Variants in ARFGEF1 observed in about 807,000 individuals in gnomAD.
The protein encoded by ARFGEF1 is brefeldin A-inhibited guanine nucleotide-exchange protein 1.
ARFGEF1 carries 42 observed loss-of-function variants against 231.0 expected under a neutral mutation model. That is an observed-to-expected ratio of 0.18 (90% CI 0.14 to 0.24). The LOEUF is 0.24. Ranked by LOEUF, ARFGEF1 falls within the 10% of genes least tolerant of loss-of-function variation. The pLI is 1.00. For missense variants in ARFGEF1, 1,345 were observed against 2,192.0 expected (o/e 0.61, Z 7.72); for synonymous variants, 710 against 732.3 (o/e 0.97, Z 0.49).
At chr8:67,321,664 G>T (rs1807602221) in intron 1 of ARFGEF1, among the ~76,000 whole-genome samples, 2 of 151,926 alleles carry the variant, frequency 1.3e-5, no homozygotes, top group Non-Finnish European at 2.9e-5. Context: ...GTTTCACCGT[G>T]TTAGCCAAGA....
chr8:67,219,415 T>C lies in ARFGEF1; in HGVS notation c.4338+16A>G, dbSNP rs138669896. The C allele has an allele frequency of 3.7e-4, 593 of 1,601,698 alleles. 5 individuals carry two copies. In the East Asian group the frequency reaches 0.01, roughly 28 times the overall value. The stretch of plus-strand genomic sequence containing the variant: ...TTAACTTGACTAAGCTAAATGAAAA[T>C]TGTGTATCCTCTTACCTCTGTCTGT... On this transcript the variant is annotated intron_variant, in intron 30 of 38. Coordinates refer to ENST00000262215, the MANE Select transcript of ARFGEF1 (RefSeq NM_006421.5).
chr8:67,330,384 A>G (rs903445595), intron 1 of ARFGEF1, among the ~76,000 whole-genome samples: 1 of 152,142 alleles, frequency 6.6e-6, no homozygotes. Flanking sequence ...TTTACCACTC[A>G]AGGAATCTTC....
At chr8:67,323,537 G>A (rs191868944) in intron 1 of ARFGEF1, among the ~76,000 whole-genome samples, 83 of 152,046 alleles carry the variant, frequency 5.5e-4, no homozygotes, top group Non-Finnish European at 2.9e-4. Flanking sequence ...CATTTATGTC[G>A]AATGTGCTTA....
chr8:67,228,275 TA>T lies in ARFGEF1; in HGVS notation c.3381-12del. On this transcript the variant is annotated splice_polypyrimidine_tract_variant and intron_variant, in intron 23 of 38. Transcript: ENST00000262215. ...GATCCTGTGAATATTCTAGGGAAAA[TA>T]AAACACAATTTAAAAAATTTATAAG... 1 of 1,603,218 alleles carries T rather than the reference TA, an allele frequency of 6.2e-7. No individual in the cohort carries two copies. The highest frequency in any genetic ancestry group is 1.1e-5 in the South Asian group (1 of 89,722).
At chr8:67,340,993 GCAA>G (rs1388565847) in intron 1 of ARFGEF1, among the ~76,000 whole-genome samples, 1 of 152,150 alleles carries the variant, frequency 6.6e-6, no homozygotes, top group Admixed American at 6.5e-5. Context: ...ACAGGACAGT[GCAA>G]TCACATTTAT....
chr8:67,341,759 A>G (rs1808638707), intron 1 of ARFGEF1, among the ~76,000 whole-genome samples: 2 of 152,206 alleles, frequency 1.3e-5, no homozygotes, highest in Admixed American at 1.3e-4. Context: ...GGATCTAGAT[A>G]TAAATACAGT....
chr8:67,270,917 G>A (rs1805058023), intron 10 of ARFGEF1, among the ~76,000 whole-genome samples: 1 of 150,624 alleles, frequency 6.6e-6, no homozygotes, highest in Non-Finnish European at 1.5e-5. Context: ...CCAGCTACTC[G>A]GGAAGCTAAG....
chr8:67,238,315 A>G (rs1839831347), intron 22 of ARFGEF1, 28 bp downstream of exon 22: 1 of 1,568,754 alleles, frequency 6.4e-7, no homozygotes, highest in Non-Finnish European at 8.6e-7. Flanking sequence ...GTTAAAAACA[A>G]TTTTTGATAC....
At chr8:67,257,373 G>A (rs1563868779) in intron 17 of ARFGEF1, among the ~76,000 whole-genome samples, 2 of 152,090 alleles carry the variant, frequency 1.3e-5, no homozygotes, top group South Asian at 2.1e-4. Flanking sequence ...TAGGTACCAC[G>A]CCTGGCCTGA....
chr8:67,303,518 C>T (rs181564487), intron 1 of ARFGEF1, among the ~76,000 whole-genome samples: 1 of 152,204 alleles, frequency 6.6e-6, no homozygotes, highest in Admixed American at 6.5e-5. Context: ...CCAGACCAGT[C>T]TGGCCAACGT....
chr8:67,221,577 TAA>T (rs769521378), intron 29 of ARFGEF1, among the ~76,000 whole-genome samples: 3 of 152,168 alleles, frequency 2.0e-5, no homozygotes, highest in Non-Finnish European at 2.9e-5. Flanking sequence ...AGTGTTAATA[TAA>T]GAGTCAAGTT....
chr8:67,180,693 T>C (rs979526908), intron 5 of ARFGEF1, among the ~76,000 whole-genome samples: 6 of 152,304 alleles, frequency 3.9e-5, no homozygotes, highest in Admixed American at 3.9e-4. Context: ...AATGTTACCA[T>C]TGGGGGAAAC....
intron 33 of ARFGEF1, 130 bp from the exon 34 acceptor site, chr8:67,211,745 T>A: frequency 5.8e-6 from 3 of 515,768 alleles, no homozygotes; most frequent in Non-Finnish European, 9.1e-6. Flanking sequence ...ATTACAGTTA[T>A]AACACAATCA....
intron 28 of ARFGEF1, 36 bp from the exon 29 acceptor site, chr8:67,225,069 C>T (rs1434611529): frequency 1.9e-6 from 3 of 1,559,736 alleles, no homozygotes; most frequent in East Asian, 2.3e-5. Flanking sequence ...AAAGGCAAAA[C>T]ATAACACCCA....
intron 1 of ARFGEF1, among the ~76,000 whole-genome samples, chr8:67,304,104 G>A (rs910376706): frequency 1.3e-5 from 2 of 152,126 alleles, no homozygotes; most frequent in Admixed American, 6.5e-5. Context: ...GTGCTAAATT[G>A]GGGTATGATA....
intron 1 of ARFGEF1, among the ~76,000 whole-genome samples, chr8:67,314,524 G>A (rs953507196): frequency 3.9e-5 from 6 of 152,066 alleles, no homozygotes; most frequent in African/African-American, 7.2e-5. Flanking sequence ...AACTTCTCCC[G>A]CAAACAGACC....
intron 1 of ARFGEF1, 76 bp downstream of exon 1, chr8:67,343,088 A>ACCCCCCCCCCCCCCCGGGGCCCCCCC: frequency 2.5e-6 from 1 of 399,152 alleles, no homozygotes; most frequent in East Asian, 6.2e-5. Context: ...GCCCCGGGCG[A>ACCCCCCCCCCCCCCCGGGGCCCCCCC]CCCCACCCCC....
intron 5 of ARFGEF1, among the ~76,000 whole-genome samples, chr8:67,187,002 TATCTATCTATCTA>T (rs1397791359): frequency 3.3e-5 from 5 of 151,412 alleles, no homozygotes; most frequent in African/African-American, 7.3e-5. Flanking sequence ...TCTATCTATC[TATCTATCTATCTA>T]ATCTATCTAT....
chr8:67,204,907 A>T (rs1838456597), intron 34 of ARFGEF1, 88 bp from the exon 35 acceptor site: 2 of 1,485,202 alleles, frequency 1.3e-6, no homozygotes, highest in Admixed American at 3.4e-5. Context: ...TGCTAAGGAA[A>T]CATCAATATG....
Sources: gnomAD v4.1 joint callset for allele counts (sites outside exome capture counted in the v4.1 genomes callset) on GRCh38, gnomAD v4.1.1 for gene constraint, MANE v1.5 for transcripts, NCBI Gene and HGNC (gene_info 2026-07-23, HGNC 2026-07-21) for gene names.